MUC6: variants seen among roughly 807,000 people sequenced by gnomAD.
MUC6 encodes the protein mucin 6, oligomeric mucus/gel-forming (gene/pseudogene).
MUC6 carries 188 observed loss-of-function variants against 201.5 expected under a neutral mutation model. The ratio of observed to expected loss-of-function variants is 0.93; its 90% confidence interval spans 0.83 to 1.05. MUC6 has a LOEUF of 1.05. Among genes scored for constraint, MUC6 ranks in the 50% least tolerant of loss-of-function variants. The pLI is 0.00. For missense variants in MUC6, 2,706 were observed against 3,256.9 expected, an observed-to-expected ratio of 0.83 and a Z score of 4.12; for synonymous variants, 1,228 against 1,389.4, an observed-to-expected ratio of 0.88 and a Z score of 2.58.
In MUC6 at chr11:1,012,944, G is replaced by C. The variant is rs999846585; in HGVS notation, c.*512C>G. 3.3e-4 allele frequency: 52 copies of C among 155,964 alleles called. No individual in the cohort carries two copies. The highest frequency in any genetic ancestry group is 5.5e-4 in the Non-Finnish European group (39 of 70,760). 9.7% of individuals were successfully genotyped at this position (155,964 alleles called of 1,614,324 possible). The stretch of plus-strand genomic sequence containing the variant: ...CTTCTGCCTGGCTGGGAGCGGGGGC[G>C]GCTGCCCTGCCCTCGCTGCCACCCT... On this transcript the variant is annotated 3_prime_UTR_variant, in exon 33 of 33. Coordinates refer to ENST00000421673, the MANE Select transcript of MUC6 (RefSeq NM_005961.3).
In MUC6 at chr11:1,026,349, G is replaced by T; in HGVS notation, c.2524C>A (p.Leu842Ile). The part of the protein sequence containing the change: ...SGVSYPGGAE[L>I]HTDCRTCSCS... ...CACCAGGTCCTGCAGTCAGTGTGGA[G>T]CTCAGCTCCTCCAGGGTAGGAGACC... The change falls in exon 20 of 33, where the codon CTC (leucine) becomes ATC (isoleucine). Residue 842 changes from leucine (L) to isoleucine (I), a missense_variant. Transcript: ENST00000421673. 2 of 1,594,916 alleles carry T rather than the reference G, an allele frequency of 1.3e-6. No homozygotes were observed.
In MUC6 at chr11:1,018,714, G is replaced by T; in HGVS notation, c.4087C>A (p.Arg1363Ser). The part of the protein sequence containing the change: ...GTTATQTTGP[R>S]PTPASTTGPT... ...CCTGTGGTGCTTGCTGGGGTTGGACGTGGGCCTGTCGTCTGGGTGGCCGTT... is the reference window on the plus strand; with the variant it reads ...CCTGTGGTGCTTGCTGGGGTTGGACTTGGGCCTGTCGTCTGGGTGGCCGTT... Residue 1363 changes from arginine (R) to serine (S), a missense_variant, in exon 31 of 33, where the codon CGT (arginine) becomes AGT (serine). This residue lies in a region of MUC6 where 1,850 missense variants were observed against 1,958.3 expected (regional missense o/e 0.94). Transcript: ENST00000421673. 6.3e-7 allele frequency: 1 copy of T among 1,598,034 alleles called. No homozygotes were observed. Among genetic ancestry groups the T allele is most frequent in the Non-Finnish European group, 8.5e-7 (1 of 1,173,316 alleles).
At position 1,033,596 on chromosome 11, in the gene MUC6, C is replaced by T. The variant is rs1295367427; in HGVS notation, c.53-521G>A. 3.9e-5 allele frequency among the ~76,000 whole-genome samples: 6 copies of T among 152,098 alleles called. No homozygotes were observed. On this transcript the variant is annotated intron_variant, in intron 1 of 32. Coordinates refer to ENST00000421673, the MANE Select transcript of MUC6 (RefSeq NM_005961.3). This position sits in a 1 kb window ranked among gnomAD's most constrained non-coding sequence, Gnocchi z 5.6. The stretch of plus-strand genomic sequence containing the variant: ...TCCTGCACGTCAGCCTTGAGACAGC[C>T]TTGATGTCAGGCCTGGCACTGAGGC...
Position 1,031,890 on chromosome 11 carries a change from G to C in MUC6, c.279C>G (p.Ser93Arg). The C allele has an allele frequency of 2.5e-6, 4 of 1,613,118 alleles. No individual in the cohort carries two copies. The highest frequency in any genetic ancestry group is 3.4e-6 in the Non-Finnish European group (4 of 1,179,896). ...SVQLRRGPDGSISRIIVELGA... is the reference protein window; with the variant it reads ...SVQLRRGPDGRISRIIVELGA... Reference sequence around the variant, plus strand: ...CCAGCTCCACGATGATCCGCGAGATGCTCCCGTCTGGGCCTCGCCGCAGCT... The same window carrying C: ...CCAGCTCCACGATGATCCGCGAGATCCTCCCGTCTGGGCCTCGCCGCAGCT... Residue 93 changes from serine (S) to arginine (R), a missense_variant, in exon 3 of 33, where the codon AGC (serine) becomes AGG (arginine). Coordinates refer to ENST00000421673, the MANE Select transcript of MUC6 (RefSeq NM_005961.3).
intron 13 of MUC6, 49 bp from the exon 14 acceptor site, chr11:1,028,436 C>T (rs751323245): frequency 6.3e-7 from 1 of 1,593,778 alleles, no homozygotes; most frequent in Non-Finnish European, 8.5e-7. Context: ...CTCCTGCACC[C>T]ATTCCTGCCC....
At chr11:1,027,915 G>A (rs1857004025) in intron 15 of MUC6, 50 bp downstream of exon 15, 4 of 1,560,470 alleles carry the variant, frequency 2.6e-6, no homozygotes, top group Non-Finnish European at 3.5e-6. Context: ...GACCTTGTCA[G>A]CCACCACAGC....
rs1375951031 is a variant in MUC6, at chr11:1,036,597, C to T, written c.52+7G>A. The T allele has an allele frequency of 4.5e-6, 7 of 1,548,764 alleles. No homozygotes were observed. The East Asian group carries it at 1.5e-4, about 32-fold the overall frequency. ...CGCAGTGTCTGGCGCCCCTCGACCT[C>T]ACTCACCAGCGCTGAGCAGGGCTCC... On this transcript the variant is annotated splice_region_variant and intron_variant, in intron 1 of 32. Coordinates refer to ENST00000421673, the MANE Select transcript of MUC6 (RefSeq NM_005961.3).
Position 1,020,688 on chromosome 11 carries a change from G to T in MUC6, c.3636C>A (p.Thr1212=), listed in dbSNP as rs1167478999. 1 of 1,613,674 alleles carries T rather than the reference G, an allele frequency of 6.2e-7. No individual in the cohort carries two copies. The highest frequency in any genetic ancestry group is 1.7e-5 in the Admixed American group (1 of 60,010). ...ACCTAGTGTGCGTGCAATTACCTGT[G>T]GTGGGCAGCTGCGGCGTGGTGGGTG... ...PQPPTTPQLP[T]TGSRPTQVWP... Residue 1212 remains threonine, a synonymous_variant, in exon 28 of 33, where the codon ACC becomes ACA. Transcript: ENST00000421673.
rs554123329 is a variant in MUC6, at chr11:1,025,836, G to A, written c.2768C>T (p.Thr923Ile). 11 of 1,612,880 alleles carry A rather than the reference G, an allele frequency of 6.8e-6. No individual in the cohort carries two copies. The South Asian group carries it at 1.1e-4, about 16-fold the overall frequency. Residue 923 changes from threonine (T) to isoleucine (I), a missense_variant, in exon 22 of 33, where the codon ACA (threonine) becomes ATA (isoleucine). Transcript: ENST00000421673. Reference protein sequence around the residue: ...ENVICGNSGVTCSRAIKIFLG... With the variant: ...ENVICGNSGVICSRAIKIFLG... ...GAAGATCTTGATGGCCCGTGAGCAT[G>A]TGACCCCGGAGTTCCCACAGATGAC...
intron 2 of MUC6, among the ~76,000 whole-genome samples, chr11:1,032,506 GGTGT>G (rs1399223150): frequency 1.3e-5 from 2 of 151,702 alleles, no homozygotes; most frequent in Admixed American, 6.6e-5. Context: ...GTGCATTCGG[GGTGT>G]GTATGTGTGT....
At position 1,033,988 on chromosome 11, in the gene MUC6, A is replaced by C. The variant is rs1857165648; in HGVS notation, c.53-913T>G. ...GTAGCTCAGAGATCCCATTCCTGCCACTCCTCACCTGTGCTCTCACCCCAG... is the reference window on the plus strand; with the variant it reads ...GTAGCTCAGAGATCCCATTCCTGCCCCTCCTCACCTGTGCTCTCACCCCAG... On this transcript the variant is annotated intron_variant, in intron 1 of 32. Transcript: ENST00000421673. The surrounding 1 kb of genome is among the most constrained non-coding windows in gnomAD (Gnocchi z 5.6). Among the ~76,000 whole-genome samples, 1 of 150,610 alleles carries C rather than the reference A, an allele frequency of 6.6e-6. No homozygotes were observed. Among genetic ancestry groups the C allele is most frequent in the African/African-American group, 2.4e-5 (1 of 40,844 alleles).
At chr11:1,031,789 C>T (rs779514967) in intron 3 of MUC6, 24 bp downstream of exon 3, 55 of 1,566,886 alleles carry the variant, frequency 3.5e-5, no homozygotes, top group South Asian at 9.3e-5. Context: ...CCCGAGCCCC[C>T]GGGCCCCGGC....
chr11:1,021,188 G>T (rs1856797403), intron 27 of MUC6, 27 bp downstream of exon 27: 1 of 1,549,966 alleles, frequency 6.5e-7, no homozygotes, highest in Non-Finnish European at 8.7e-7. Flanking sequence ...CAGGGGCAGG[G>T]TTCTCAGGGC....
chr11:1,018,142 G>A lies in MUC6; in HGVS notation c.4659C>T (p.Arg1553=). ...TGGTGTGGGCCACAGGGGTTCTGGT[G>A]CGTGTACTAGTGGGGTTGGGAGTAA... ...TTITPNPTST[R]TRTPVAHTNS... Residue 1553 remains arginine (R), a synonymous_variant, in exon 31 of 33, where the codon CGC becomes CGT. Transcript: ENST00000421673. 3 of 1,365,200 alleles carry A rather than the reference G, an allele frequency of 2.2e-6. No homozygotes were observed. The highest frequency in any genetic ancestry group is 3.0e-6 in the Non-Finnish European group (3 of 1,003,182). 84.6% of individuals were successfully genotyped at this position (1,365,200 alleles called of 1,614,324 possible). A position where few individuals can be genotyped will look rare whatever the true frequency, so the allele number is the denominator to read the frequency against.
At chr11:1,023,087 TGTGG>T (rs1273492293) in intron 26 of MUC6, among the ~76,000 whole-genome samples, 1 of 149,720 alleles carries the variant, frequency 6.7e-6, no homozygotes, top group African/African-American at 2.5e-5. Context: ...AATGAGTGTG[TGTGG>T]GTGAATGAAT....
intron 30 of MUC6, 31 bp from the exon 31 acceptor site, chr11:1,018,801 T>G: frequency 6.5e-7 from 1 of 1,533,016 alleles, no homozygotes; most frequent in Non-Finnish European, 8.7e-7. Flanking sequence ...GTCATCGTTA[T>G]TGTTTTTGTT....
chr11:1,025,361 A>G lies in MUC6; in HGVS notation c.2806T>C (p.Ser936Pro). The change falls in exon 23 of 33, where the codon TCC (serine) becomes CCC (proline). Residue 936 changes from serine (S) to proline (P), a missense_variant. By Grantham distance (74) the Ser-to-Pro change is moderately conservative. This residue lies in a region of MUC6 where 1,850 missense variants were observed against 1,958.3 expected (regional missense o/e 0.94). Coordinates refer to ENST00000421673, the MANE Select transcript of MUC6 (RefSeq NM_005961.3). ...RAIKIFLGGL[S>P]VVLADRNYTV... ...TAGTTTCTGTCCGCCAGCACCACGG[A>G]CAGGCCCTGTGGGGTGGGGTTGGCA... 1 of 1,609,626 alleles carries G rather than the reference A, an allele frequency of 6.2e-7. No individual in the cohort carries two copies. The highest frequency in any genetic ancestry group is 8.5e-7 in the Non-Finnish European group (1 of 1,177,840).
At chr11:1,026,202 C>T (rs1856955183) in intron 20 of MUC6, 61 bp from the exon 21 acceptor site, 1 of 1,547,828 alleles carries the variant, frequency 6.5e-7, no homozygotes, top group Non-Finnish European at 8.7e-7. Flanking sequence ...TGGGTGTGGT[C>T]CCTGGAGAGG....
At position 1,025,818 on chromosome 11, in the gene MUC6, T is replaced by A. The variant is rs538599054; in HGVS notation, c.2786A>T (p.Lys929Met). Residue 929 changes from lysine to methionine, a missense_variant, in exon 22 of 33, where the codon AAG becomes ATG. By Grantham distance (95) the Lys-to-Met change is moderately conservative. Coordinates refer to ENST00000421673, the MANE Select transcript of MUC6 (RefSeq NM_005961.3). The stretch of plus-strand genomic sequence containing the variant: ...CCGGCTGCTCACCCCCAGGAAGATC[T>A]TGATGGCCCGTGAGCATGTGACCCC... ...NSGVTCSRAI[K>M]IFLGGLSVVL... is the part of the protein sequence containing the mutation. 1 of 1,612,340 alleles carries A rather than the reference T, an allele frequency of 6.2e-7. No homozygotes were observed. The highest frequency in any genetic ancestry group is 1.1e-5 in the South Asian group (1 of 90,928).
Sources: allele counts gnomAD v4.1 joint callset (sites outside exome capture counted in the v4.1 genomes callset), GRCh38; gene constraint gnomAD v4.1.1; regional missense constraint gnomAD v4.1.1; non-coding constraint Gnocchi (gnomAD v3.1); transcripts MANE v1.5; gene names NCBI Gene and HGNC (gene_info 2026-07-23, HGNC 2026-07-21).